The following PCDHA5 variants were observed in gnomAD, a reference collection of about 807,000 sequenced individuals.
PCDHA5 encodes protocadherin alpha 5.
PCDHA5 carries 43 observed loss-of-function variants against 61.6 expected under a neutral mutation model. The observed-to-expected ratio is 0.70, with a 90% CI of 0.55 to 0.90. The LOEUF (loss-of-function observed/expected upper bound fraction) is 0.90, where lower values mean the gene tolerates loss of function less well. PCDHA5 is among the 40% of genes least tolerant of loss of function. The pLI is 0.00. For missense variants in PCDHA5, 1,298 were observed against 1,222.7 expected (o/e 1.06, Z -0.92); for synonymous variants, 627 against 543.9 (o/e 1.15, Z -2.13).
intron 1 of PCDHA5, chr5:140,843,100 G>C: frequency 6.3e-7 from 1 of 1,595,760 alleles, no homozygotes; most frequent in East Asian, 2.2e-5. Flanking sequence ...TGGTAGCGAA[G>C]GTGCGCGCAG....
chr5:140,924,165 C>G (rs782754845), intron 1 of PCDHA5, among the ~76,000 whole-genome samples: 5 of 152,230 alleles, frequency 3.3e-5, no homozygotes, highest in Admixed American at 1.3e-4. Context: ...ATCCTAATCT[C>G]TGGCACTGAA....
At chr5:140,836,132 G>T in intron 1 of PCDHA5, 1 of 1,613,758 alleles carries the variant, frequency 6.2e-7, no homozygotes. Flanking sequence ...TTGTGCCGCG[G>T]TCTGTGGGCG....
chr5:140,910,864 A>G (rs2153516118), intron 1 of PCDHA5, among the ~76,000 whole-genome samples: 1 of 152,266 alleles, frequency 6.6e-6, no homozygotes, highest in Non-Finnish European at 1.5e-5. Context: ...TCCATCCACC[A>G]TTATCCCACA....
Position 141,000,578 on chromosome 5 carries a change from C to T in PCDHA5, c.2501-9049C>T, listed in dbSNP as rs191579983. On this transcript the variant is annotated intron_variant, in intron 3 of 3. Coordinates refer to ENST00000529859, the MANE Select transcript of PCDHA5 (RefSeq NM_018908.3). ...GAGTAGCTGGGATTACAGGTGCCTG[C>T]CACCATGCCCAGCTAATTTTTGTAT... Among the ~76,000 whole-genome samples the T allele has an allele frequency of 3.1e-3, 460 of 150,716 alleles. 6 individuals carry two copies. Among genetic ancestry groups the T allele is most frequent in the Middle Eastern group, 0.01 (3 of 290 alleles).
At chr5:140,993,406 T>C (rs1382987714) in intron 3 of PCDHA5, among the ~76,000 whole-genome samples, 2 of 150,998 alleles carry the variant, frequency 1.3e-5, no homozygotes, top group South Asian at 4.2e-4. Flanking sequence ...TTAACCACCT[T>C]CATCAGCATT....
At chr5:140,988,571 C>T (rs1438476188) in intron 3 of PCDHA5, among the ~76,000 whole-genome samples, 7 of 152,168 alleles carry the variant, frequency 4.6e-5, no homozygotes, top group Non-Finnish European at 1.0e-4. Flanking sequence ...TGGGAAAACA[C>T]TCTGTACCTT....
chr5:140,950,981 TG>T (rs1443074941), intron 1 of PCDHA5, among the ~76,000 whole-genome samples: 1 of 152,138 alleles, frequency 6.6e-6, no homozygotes, highest in East Asian at 1.9e-4. Context: ...CATTGACTTT[TG>T]CCTCTTTTAG....
chr5:140,849,100 G>C lies in PCDHA5; in HGVS notation c.2352+24973G>C, dbSNP rs1554142751. 2.0e-6 allele frequency: 3 copies of C among 1,471,168 alleles called. No individual in the cohort carries two copies. The Admixed American group carries it at 6.2e-5, about 30-fold the overall frequency. The allele number at this position is 1,471,168 out of a possible 1,614,324, so 91.1% of individuals were successfully genotyped here. A position where few individuals can be genotyped will look rare whatever the true frequency, so the allele number is the denominator to read the frequency against. Reference sequence around the variant, plus strand: ...CTTGTATTACGGAAACTTTTAGACAGAGAAGAAACTCCGGAGCTTCATTTA... The same window carrying C: ...CTTGTATTACGGAAACTTTTAGACACAGAAGAAACTCCGGAGCTTCATTTA... On this transcript the variant is annotated intron_variant, in intron 1 of 3. Transcript: ENST00000529859.
At chr5:140,993,081 A>G (rs966669704) in intron 3 of PCDHA5, among the ~76,000 whole-genome samples, 34 of 152,234 alleles carry the variant, frequency 2.2e-4, no homozygotes, top group Non-Finnish European at 2.8e-4. Flanking sequence ...GTCTGCAATC[A>G]GCAGGGCTAT....
chr5:140,857,017 T>C (rs1432761936), intron 1 of PCDHA5: 1 of 1,596,216 alleles, frequency 6.3e-7, no homozygotes, highest in African/African-American at 1.3e-5. Flanking sequence ...ATGTTACAGA[T>C]AAGGGAAACC....
At chr5:140,982,391 G>T (rs539713475) in intron 2 of PCDHA5, 84 bp from the exon 3 acceptor site, 2 of 1,597,556 alleles carry the variant, frequency 1.3e-6, no homozygotes, top group South Asian at 1.1e-5. Flanking sequence ...TGGCTTCATA[G>T]TTGTAAGCAA....
chr5:140,998,017 C>T (rs555584429), intron 3 of PCDHA5, among the ~76,000 whole-genome samples: 67 of 152,292 alleles, frequency 4.4e-4, no homozygotes, highest in African/African-American at 1.4e-3. Context: ...ATCCCCACCT[C>T]GAGCTAGTGC....
At chr5:140,964,383 G>A (rs543441248) in intron 1 of PCDHA5, among the ~76,000 whole-genome samples, 1 of 152,142 alleles carries the variant, frequency 6.6e-6, no homozygotes, top group Non-Finnish European at 1.5e-5. Context: ...GAGAGTCCTG[G>A]TTTTTCTCCC....
chr5:140,850,953 C>A (rs2150503765), intron 1 of PCDHA5: 2 of 1,483,986 alleles, frequency 1.3e-6, no homozygotes, highest in Non-Finnish European at 1.8e-6. Context: ...TTATCGATTA[C>A]TCCCAGGGGC....
At chr5:140,883,367 G>A (rs782044159) in intron 1 of PCDHA5, 2 of 1,614,124 alleles carry the variant, frequency 1.2e-6, no homozygotes, top group East Asian at 2.2e-5. Context: ...TCAGCCTAGC[G>A]CCATTATTGC....
Position 140,853,252 on chromosome 5 carries a change from C to T in PCDHA5, c.2352+29125C>T. 3 of 974,906 alleles carry T rather than the reference C, an allele frequency of 3.1e-6. 1 individual carries two copies. 60.4% of individuals were successfully genotyped at this position (974,906 alleles called of 1,614,324 possible). On this transcript the variant is annotated intron_variant, in intron 1 of 3. Transcript: ENST00000529859. ...TTAGTCCTTCATATTAATCTCTATT[C>T]TCTCTCAGAGTACAAGCTCTCATCA...
At chr5:140,993,472 A>T (rs1164535164) in intron 3 of PCDHA5, among the ~76,000 whole-genome samples, 1 of 134,248 alleles carries the variant, frequency 7.4e-6, no homozygotes, top group Non-Finnish European at 1.5e-5. Flanking sequence ...TCACACACAC[A>T]CACACACACA....
In PCDHA5 at chr5:140,967,342, C is replaced by G. The variant is rs149890293; in HGVS notation, c.2353-11607C>G. On this transcript the variant is annotated intron_variant, in intron 1 of 3. Coordinates refer to ENST00000529859, the MANE Select transcript of PCDHA5 (RefSeq NM_018908.3). ...CCTACGAGCTCAGCCCCAGCGAGCACTTCGAGCTGGACCTTAAGCCCCTGC... is the reference window on the plus strand; with the variant it reads ...CCTACGAGCTCAGCCCCAGCGAGCAGTTCGAGCTGGACCTTAAGCCCCTGC... The G allele has an allele frequency of 1.9e-6, 3 of 1,607,992 alleles. No individual in the cohort carries two copies. In the African/African-American group the frequency reaches 4.0e-5, roughly 22 times the overall value.
intron 1 of PCDHA5, among the ~76,000 whole-genome samples, chr5:140,880,921 T>C (rs187033233): frequency 6.6e-6 from 1 of 152,272 alleles, no homozygotes; most frequent in East Asian, 1.9e-4. Context: ...AGAAATACTA[T>C]GTTAGTAAAA....
Sources: gnomAD v4.1 joint callset for allele counts (sites outside exome capture counted in the v4.1 genomes callset) on GRCh38, gnomAD v4.1.1 for gene constraint, MANE v1.5 for transcripts, NCBI Gene and HGNC (gene_info 2026-07-23, HGNC 2026-07-21) for gene names.